Variants in CEP78 observed in about 807,000 individuals in gnomAD.
CEP78 encodes the protein centrosomal protein 78, also known as centrosomal protein of 78 kDa.
In CEP78, 76 loss-of-function variants were observed where a neutral mutation model predicts 81.2. That is an observed-to-expected ratio of 0.94 (90% confidence interval 0.78 to 1.13). The LOEUF (loss-of-function observed/expected upper bound fraction) is 1.13. Ranked by LOEUF, CEP78 falls within the 50% of genes most tolerant of loss-of-function variation. The pLI is 0.00. For synonymous variants in CEP78, 293 were observed against 301.4 expected, an observed-to-expected ratio of 0.97 and a Z score of 0.29; for missense variants, 918 against 846.8, an observed-to-expected ratio of 1.08 and a Z score of -1.04.
Position 78,271,578 on chromosome 9 carries a change from A to C in CEP78, c.*727A>C, listed in dbSNP as rs1179151302. The C allele has an allele frequency of 6.6e-6, 1 of 152,252 alleles. No individual in the cohort carries two copies. The highest frequency in any genetic ancestry group is 2.4e-5 in the African/African-American group (1 of 41,466). The allele number at this position is 152,252 out of a possible 1,614,324, so 9.4% of individuals were successfully genotyped here. The stretch of plus-strand genomic sequence containing the variant: ...ATGGATTCATTTGAAGCTTAAATTC[A>C]TGAAATGGAAGGTATTAATTGGTCT... On this transcript the variant is annotated 3_prime_UTR_variant, in exon 17 of 17. Transcript: ENST00000643273.
chr9:78,236,136 C>G lies in CEP78; in HGVS notation c.-215C>G. 2 of 550,040 alleles carry G rather than the reference C, an allele frequency of 3.6e-6. No homozygotes were observed. Among genetic ancestry groups the G allele is most frequent in the South Asian group, 4.4e-5 (2 of 45,620 alleles). 34.1% of individuals were successfully genotyped at this position (550,040 alleles called of 1,614,324 possible). A position where few individuals can be genotyped will look rare whatever the true frequency, so the allele number is the denominator to read the frequency against. ...GGCGCCAACTGCTTGGGCCGCAGGG[C>G]GGGAGGCAGCGCGGGAGTGGGGCGT... On this transcript the variant is annotated 5_prime_UTR_variant, in exon 1 of 17. Coordinates refer to ENST00000643273, the MANE Select transcript of CEP78 (RefSeq NM_001330691.3).
rs997938333 is a variant in CEP78, at chr9:78,277,482, A to C, written c.*6631A>C. 7 of 152,242 alleles carry C rather than the reference A, an allele frequency of 4.6e-5. No homozygotes were observed. The highest frequency in any genetic ancestry group is 1.0e-4 in the Non-Finnish European group (7 of 68,036). The allele number at this position is 152,242 out of a possible 1,614,324, so 9.4% of individuals were successfully genotyped here. On this transcript the variant is annotated 3_prime_UTR_variant, in exon 17 of 17. Transcript: ENST00000643273. ...ATTTTATAAATAAGAAATACAGACTATAAACATAAACTTTCAACCTCGTAA... is the reference window on the plus strand; with the variant it reads ...ATTTTATAAATAAGAAATACAGACTCTAAACATAAACTTTCAACCTCGTAA...
intron 11 of CEP78, among the ~76,000 whole-genome samples, chr9:78,255,248 A>G (rs1275763631): frequency 4.6e-5 from 7 of 152,292 alleles, no homozygotes; most frequent in Non-Finnish European, 7.4e-5. Context: ...TAATCATAAG[A>G]TAAACTCAAA....
At position 78,278,056 on chromosome 9, in the gene CEP78, AAC is replaced by A. The variant is rs1827839299; in HGVS notation, c.*7209_*7210del. ...TGCACCCTAGAAAAGAGTCTGTGATAACACATATCAAGCTATTGACAGCGGTT... is the reference window on the plus strand; with the variant it reads ...TGCACCCTAGAAAAGAGTCTGTGATAACATATCAAGCTATTGACAGCGGTT... On this transcript the variant is annotated 3_prime_UTR_variant, in exon 17 of 17. Transcript: ENST00000643273. 6 of 152,330 alleles carry A rather than the reference AAC, an allele frequency of 3.9e-5. No individual in the cohort carries two copies. The South Asian group carries it at 1.2e-3, about 32-fold the overall frequency. 9.4% of individuals were successfully genotyped at this position (152,330 alleles called of 1,614,324 possible).
At position 78,236,225 on chromosome 9, in the gene CEP78, C is replaced by A; in HGVS notation, c.-126C>A. ...TTCCGACCGAATCACCGCTCCTGAG[C>A]CCGGTGCGGGGCTGCCGCTATCGCC... On this transcript the variant is annotated 5_prime_UTR_variant, in exon 1 of 17. Transcript: ENST00000643273. 1 of 817,418 alleles carries A rather than the reference C, an allele frequency of 1.2e-6. No homozygotes were observed. The highest frequency in any genetic ancestry group is 1.8e-6 in the Non-Finnish European group (1 of 540,718). 50.6% of individuals were successfully genotyped at this position (817,418 alleles called of 1,614,324 possible). A position where few individuals can be genotyped will look rare whatever the true frequency, so the allele number is the denominator to read the frequency against.
intron 8 of CEP78, among the ~76,000 whole-genome samples, chr9:78,251,694 T>G (rs1259242165): frequency 6.6e-6 from 1 of 151,196 alleles, no homozygotes; most frequent in Admixed American, 6.6e-5. Context: ...TTTTATATAT[T>G]TATTACTTAT....
chr9:78,248,638 G>A (rs1250972118), intron 7 of CEP78, 124 bp from the exon 8 acceptor site: 6 of 626,420 alleles, frequency 9.6e-6, no homozygotes, highest in Non-Finnish European at 1.4e-5. Context: ...CTTTAATTTT[G>A]GGTCCCAGAA....
chr9:78,260,621 G>C (rs2118417958), intron 11 of CEP78, among the ~76,000 whole-genome samples: 1 of 151,534 alleles, frequency 6.6e-6, no homozygotes, highest in East Asian at 2.0e-4. Flanking sequence ...GCAGGAGAAT[G>C]GTGTGAACCT....
Position 78,265,895 on chromosome 9 carries a change from A to G in CEP78, c.1834A>G (p.Thr612Ala). 7.2e-7 allele frequency: 1 copy of G among 1,380,010 alleles called. No individual in the cohort carries two copies. The highest frequency in any genetic ancestry group is 1.0e-6 in the Non-Finnish European group (1 of 990,078). The allele number at this position is 1,380,010 out of a possible 1,614,324, so 85.5% of individuals were successfully genotyped here. A position where few individuals can be genotyped will look rare whatever the true frequency, so the allele number is the denominator to read the frequency against. ...ICMQSAYNEGTLMKFQKITGD... is the reference protein window; with the variant it reads ...ICMQSAYNEGALMKFQKITGD... ...TATGCAGTCAGCTTACAATGAAGGAACACTAATGAAGGTACAAGTACTGAT... is the reference window on the plus strand; with the variant it reads ...TATGCAGTCAGCTTACAATGAAGGAGCACTAATGAAGGTACAAGTACTGAT... The change falls in exon 15 of 17, where the codon ACA becomes GCA. Residue 612 changes from threonine to alanine, a missense_variant. By Grantham distance (58) the Thr-to-Ala change is moderately conservative. Coordinates refer to ENST00000643273, the MANE Select transcript of CEP78 (RefSeq NM_001330691.3).
Position 78,277,503 on chromosome 9 carries a change from C to T in CEP78, c.*6652C>T, listed in dbSNP as rs138525068. 391 of 152,176 alleles carry T rather than the reference C, an allele frequency of 2.6e-3. No homozygotes were observed. The highest frequency in any genetic ancestry group is 9.0e-3 in the African/African-American group (373 of 41,540). The allele number at this position is 152,176 out of a possible 1,614,324, so 9.4% of individuals were successfully genotyped here. The stretch of plus-strand genomic sequence containing the variant: ...GACTATAAACATAAACTTTCAACCT[C>T]GTAAGCAATCAGGAAAATTAAAGTT... On this transcript the variant is annotated 3_prime_UTR_variant, in exon 17 of 17. Coordinates refer to ENST00000643273, the MANE Select transcript of CEP78 (RefSeq NM_001330691.3).
At chr9:78,270,189 C>T (rs1283476015) in intron 16 of CEP78, among the ~76,000 whole-genome samples, 2 of 152,064 alleles carry the variant, frequency 1.3e-5, no homozygotes, top group African/African-American at 4.8e-5. Flanking sequence ...TGAGTTTATA[C>T]CTGATAACCC....
chr9:78,254,041 T>G (rs1217858064), intron 10 of CEP78: 1 of 152,138 alleles, frequency 6.6e-6, no homozygotes, highest in Non-Finnish European at 1.5e-5. Context: ...TCTGTGGACT[T>G]TTTATGGGAT....
chr9:78,274,552 T>C lies in CEP78; in HGVS notation c.*3701T>C, dbSNP rs1827763377. The C allele has an allele frequency of 1.3e-5, 2 of 152,208 alleles. No individual in the cohort carries two copies. The highest frequency in any genetic ancestry group is 2.1e-4 in the South Asian group (1 of 4,832). The allele number at this position is 152,208 out of a possible 1,614,324, so 9.4% of individuals were successfully genotyped here. ...GTAGATCAGGATATGAAGGATACCA[T>C]TGAACATAAATATTTTGTATCCATG... On this transcript the variant is annotated 3_prime_UTR_variant, in exon 17 of 17. Transcript: ENST00000643273.
chr9:78,256,175 C>T (rs770475090), intron 11 of CEP78, among the ~76,000 whole-genome samples: 1 of 152,120 alleles, frequency 6.6e-6, no homozygotes, highest in Non-Finnish European at 1.5e-5. Flanking sequence ...CTAGAATATA[C>T]ACAGGGGAAG....
Position 78,265,462 on chromosome 9 carries a change from A to G in CEP78, c.1716A>G (p.Pro572=), listed in dbSNP as rs1362255159. The change falls in exon 14 of 17, where the codon CCA becomes CCG. Residue 572 remains proline (P), a synonymous_variant. Transcript: ENST00000643273. ...HPQMTSTVSN[P]PKEEKKALED... is the part of the protein sequence containing the mutation. ...AGATGACTTCTACTGTTAGTAATCC[A>G]CCTAAAGAAGAAAAGAAGGCGCTTG... is the stretch of plus-strand genomic sequence containing the variant. The G allele has an allele frequency of 1.3e-6, 2 of 1,596,150 alleles. No homozygotes were observed. The highest frequency in any genetic ancestry group is 2.7e-5 in the African/African-American group (2 of 74,676).
At chr9:78,270,712 A>T in intron 16 of CEP78, 129 bp from the exon 17 acceptor site, 1 of 547,440 alleles carries the variant, frequency 1.8e-6, no homozygotes, top group Non-Finnish European at 3.2e-6. Context: ...TCTAATCTCA[A>T]GACAGTAACA....
intron 11 of CEP78, among the ~76,000 whole-genome samples, chr9:78,260,911 A>G (rs1357770667): frequency 2.0e-5 from 3 of 151,946 alleles, no homozygotes; most frequent in Admixed American, 2.0e-4. Flanking sequence ...ATAAAAAGTC[A>G]GTCCTCCTTA....
Position 78,240,314 on chromosome 9 carries a change from T to A in CEP78, c.449T>A (p.Leu150Ter). The A allele has an allele frequency of 1.3e-6, 2 of 1,599,056 alleles. No homozygotes were observed. Among genetic ancestry groups the A allele is most frequent in the Non-Finnish European group, 1.7e-6 (2 of 1,171,516 alleles). Residue 150 changes from leucine to a stop codon, truncating the protein, a stop_gained, in exon 3 of 17, where the codon TTG becomes TAG. Transcript: ENST00000643273. LOFTEE classifies it high-confidence loss of function. ...LAKGLNKSASLVHLSLANCPI... is the reference protein window; with the variant it reads ...LAKGLNKSAS ...AAGGGATTGAATAAATCGGCTTCTT[T>A]GGTGCACCTGTCTCTTGCAAATTGT...
rs1826499416 is a variant in CEP78, at chr9:78,246,684, A to G, written c.794A>G (p.Gln265Arg). 6.9e-6 allele frequency: 11 copies of G among 1,604,286 alleles called. No individual in the cohort carries two copies. The highest frequency in any genetic ancestry group is 1.1e-5 in the South Asian group (1 of 89,620). Residue 265 changes from glutamine to arginine, a missense_variant, in exon 6 of 17, where the codon CAG becomes CGG. Transcript: ENST00000643273. Reference sequence around the variant, plus strand: ...TCATCGAAAGCTCTTGACCTGCAACAGTGCGGCCTCACCAATGAAGGAGCA... The same window carrying G: ...TCATCGAAAGCTCTTGACCTGCAACGGTGCGGCCTCACCAATGAAGGAGCA... ...DLWLRALDLQQCGLTNEGAKA... is the reference protein window; with the variant it reads ...DLWLRALDLQRCGLTNEGAKA...
Sources: gnomAD v4.1 joint callset for allele counts (sites outside exome capture counted in the v4.1 genomes callset) on GRCh38, gnomAD v4.1.1 for gene constraint, MANE v1.5 for transcripts, NCBI Gene and HGNC (gene_info 2026-07-23, HGNC 2026-07-21) for gene names.